Variants in BMAL1 observed in about 807,000 individuals in gnomAD.
BMAL1 encodes the protein basic helix-loop-helix ARNT-like protein 1.
At chr11:13,288,716 G>C in the BMAL1 span, among the ~76,000 whole-genome samples, 98,895 of 151,864 alleles carry the variant, frequency 0.65, 32,529 homozygotes, top group Non-Finnish European at 0.71. Flanking sequence ...AAATGCAGCA[G>C]AGACCTGACA....
chr11:13,368,069 GTATC>G, the BMAL1 span, among the ~76,000 whole-genome samples: 1 of 152,200 alleles, frequency 6.6e-6, no homozygotes, highest in Non-Finnish European at 1.5e-5. Flanking sequence ...GCAGACTTTG[GTATC>G]TGTTGTTCTT....
At chr11:13,344,979 A>G in the BMAL1 span, among the ~76,000 whole-genome samples, 1 of 152,220 alleles carries the variant, frequency 6.6e-6, no homozygotes, top group Non-Finnish European at 1.5e-5. Context: ...TGGCAACTCA[A>G]GCACCCCTGC....
the BMAL1 span, among the ~76,000 whole-genome samples, chr11:13,332,056 T>C: frequency 6.6e-6 from 1 of 152,092 alleles, no homozygotes; most frequent in Admixed American, 6.5e-5. Context: ...AGGATTTGGC[T>C]ACAGACAGAC....
At chr11:13,375,325 G>A in the BMAL1 span, among the ~76,000 whole-genome samples, 2 of 152,246 alleles carry the variant, frequency 1.3e-5, no homozygotes, top group African/African-American at 2.4e-5. Flanking sequence ...TGGTGGTCAT[G>A]TTAGAGCTGA....
chr11:13,299,694 A>C, the BMAL1 span, among the ~76,000 whole-genome samples: 2 of 152,178 alleles, frequency 1.3e-5, no homozygotes, highest in Non-Finnish European at 2.9e-5. Context: ...CGTGGCACGC[A>C]GAGCCCATGC....
At chr11:13,281,182 A>G in the BMAL1 span, among the ~76,000 whole-genome samples, 1 of 152,016 alleles carries the variant, frequency 6.6e-6, no homozygotes, top group Non-Finnish European at 1.5e-5. Flanking sequence ...GTTTGTCCTT[A>G]GTCTCCCCTG....
the BMAL1 span, among the ~76,000 whole-genome samples, chr11:13,362,537 T>G: frequency 2.6e-5 from 4 of 152,172 alleles, no homozygotes; most frequent in Non-Finnish European, 5.9e-5. Context: ...ACTTACTAGA[T>G]GCATGGCATT....
At chr11:13,283,949 C>T in the BMAL1 span, among the ~76,000 whole-genome samples, 4 of 151,546 alleles carry the variant, frequency 2.6e-5, no homozygotes, top group Non-Finnish European at 5.9e-5. Flanking sequence ...ACTAACCCCA[C>T]CTCCCACCCT....
the BMAL1 span, among the ~76,000 whole-genome samples, chr11:13,328,928 C>T: frequency 1.3e-5 from 2 of 152,152 alleles, no homozygotes; most frequent in African/African-American, 4.8e-5. Flanking sequence ...TATTTTACCT[C>T]ATAATACTGC....
chr11:13,324,266 G>T, the BMAL1 span, among the ~76,000 whole-genome samples: 1 of 152,124 alleles, frequency 6.6e-6, no homozygotes, highest in Non-Finnish European at 1.5e-5. Flanking sequence ...CGGCTTTCTG[G>T]CATCTTTGGA....
the BMAL1 span, among the ~76,000 whole-genome samples, chr11:13,308,842 G>A: frequency 2.0e-5 from 3 of 152,304 alleles, no homozygotes; most frequent in African/African-American, 7.2e-5. Flanking sequence ...GGAGGATTGA[G>A]TCAGATTCAT....
At chr11:13,282,942 TG>T in the BMAL1 span, among the ~76,000 whole-genome samples, 1 of 151,788 alleles carries the variant, frequency 6.6e-6, no homozygotes, top group African/African-American at 2.4e-5. Flanking sequence ...TGCATAGAGG[TG>T]GGGGTGCAAC....
At chr11:13,338,109 C>G in the BMAL1 span, among the ~76,000 whole-genome samples, 1 of 152,088 alleles carries the variant, frequency 6.6e-6, no homozygotes, top group South Asian at 2.1e-4. Flanking sequence ...CGACTCATGC[C>G]TGTTCAGACC....
the BMAL1 span, chr11:13,354,204 CCCA>C: frequency 1.2e-6 from 1 of 846,092 alleles, no homozygotes; most frequent in Non-Finnish European, 1.7e-6. Context: ...CCCCCGGCCC[CCCA>C]CCACCAAACC....
chr11:13,365,604 G>A, the BMAL1 span: 2 of 1,610,004 alleles, frequency 1.2e-6, no homozygotes, highest in Middle Eastern at 1.7e-4. Context: ...TATTGTTCAT[G>A]CTCCTGTTGA....
the BMAL1 span, among the ~76,000 whole-genome samples, chr11:13,361,369 T>C: frequency 6.6e-6 from 1 of 151,664 alleles, no homozygotes; most frequent in Admixed American, 6.6e-5. Flanking sequence ...TTCTTGTAGA[T>C]TGTAAACAGA....
the BMAL1 span, among the ~76,000 whole-genome samples, chr11:13,363,740 G>C: frequency 6.6e-6 from 1 of 152,182 alleles, no homozygotes; most frequent in Non-Finnish European, 1.5e-5. Context: ...ACCGTACCAA[G>C]GCCTCTGTGT....
At chr11:13,325,694 T>TGTGTGTGG in the BMAL1 span, among the ~76,000 whole-genome samples, 4 of 151,578 alleles carry the variant, frequency 2.6e-5, no homozygotes, top group South Asian at 2.1e-4. Context: ...TGTGTGTGTG[T>TGTGTGTGG]GGGCTTGAAT....
chr11:13,373,952 G>T, the BMAL1 span: 7 of 637,532 alleles, frequency 1.1e-5, no homozygotes, highest in African/African-American at 1.8e-5. Flanking sequence ...CACACAGTGA[G>T]CCCTCTGAAA....
Sources: gnomAD v4.1 joint callset for allele counts (sites outside exome capture counted in the v4.1 genomes callset) on GRCh38, gnomAD v4.1.1 for gene constraint, MANE v1.5 for transcripts, NCBI Gene and HGNC (gene_info 2026-07-23, HGNC 2026-07-21) for gene names.